SHC3: variants seen among roughly 807,000 people sequenced by gnomAD.
SHC3 encodes SHC adaptor protein 3.
SHC3 carries 15 observed loss-of-function variants against 60.4 expected under a neutral mutation model. That is an observed-to-expected ratio of 0.25 (90% CI 0.17 to 0.38). The LOEUF (loss-of-function observed/expected upper bound fraction) is 0.38. Among genes scored for constraint, SHC3 ranks in the 10% least tolerant of loss-of-function variants. SHC3 has a pLI of 1.00. For missense variants in SHC3, 677 were observed against 786.1 expected (o/e 0.86, Z 1.66); for synonymous variants, 294 against 325.9 (o/e 0.90, Z 1.05).
intron 1 of SHC3, among the ~76,000 whole-genome samples, chr9:89,140,269 C>G (rs1270787012): frequency 6.6e-6 from 1 of 152,024 alleles, no homozygotes; most frequent in Non-Finnish European, 1.5e-5. Context: ...CAGGGTGGAG[C>G]CCAGAGCCAG....
At chr9:89,155,704 C>CAACCAA (rs1225459199) in intron 1 of SHC3, among the ~76,000 whole-genome samples, 2 of 152,174 alleles carry the variant, frequency 1.3e-5, no homozygotes, top group Non-Finnish European at 2.9e-5. Context: ...CCTGTTTCTC[C>CAACCAA]ACCTGGTCAC....
intron 1 of SHC3, among the ~76,000 whole-genome samples, chr9:89,128,108 TAA>T (rs1027077267): frequency 1.3e-5 from 2 of 152,122 alleles, no homozygotes; most frequent in African/African-American, 4.8e-5. Context: ...TTAAAAATAA[TAA>T]GAGTTTAAAT....
chr9:89,163,069 G>A, intron 1 of SHC3, among the ~76,000 whole-genome samples: 1 of 142,890 alleles, frequency 7.0e-6, no homozygotes, highest in South Asian at 2.4e-4. Flanking sequence ...AGTTAGAATG[G>A]CAATCATTAA....
chr9:89,171,892 G>A (rs1042222821), intron 1 of SHC3, among the ~76,000 whole-genome samples: 1 of 152,208 alleles, frequency 6.6e-6, no homozygotes, highest in African/African-American at 2.4e-5. Flanking sequence ...AGCAAGGCAT[G>A]TCTGAGCCCA....
At chr9:89,154,299 C>A (rs1362631683) in intron 1 of SHC3, among the ~76,000 whole-genome samples, 2 of 152,100 alleles carry the variant, frequency 1.3e-5, no homozygotes, top group Non-Finnish European at 2.9e-5. Context: ...CCCAGGGAAG[C>A]CAAAACACTG....
In SHC3 at chr9:89,011,769, G is replaced by A. The variant is rs565298216; in HGVS notation, c.*1678C>T. On this transcript the variant is annotated 3_prime_UTR_variant, in exon 12 of 12. Transcript: ENST00000375835. ...CCACTGCAGAACATTCTAGAACACT[G>A]ACTTCACTGTCATCTCAAATTCACT... The A allele has an allele frequency of 1.3e-5, 2 of 152,356 alleles. No individual in the cohort carries two copies. The highest frequency in any genetic ancestry group is 4.8e-5 in the African/African-American group (2 of 41,554). The allele number at this position is 152,356 out of a possible 1,614,324, so 9.4% of individuals were successfully genotyped here.
chr9:89,124,791 C>T (rs1826141056), intron 1 of SHC3, among the ~76,000 whole-genome samples: 1 of 151,566 alleles, frequency 6.6e-6, no homozygotes, highest in Non-Finnish European at 1.5e-5. Flanking sequence ...TACCATGGCA[C>T]ATGTCTACCT....
chr9:89,071,367 A>G, intron 4 of SHC3, 115 bp from the exon 5 acceptor site: 1 of 977,658 alleles, frequency 1.0e-6, no homozygotes, highest in Non-Finnish European at 1.6e-6. Flanking sequence ...GAAAATTGGT[A>G]TCTATATAAA....
intron 6 of SHC3, among the ~76,000 whole-genome samples, chr9:89,060,158 G>C (rs1369964944): frequency 6.8e-6 from 1 of 147,204 alleles, no homozygotes; most frequent in African/African-American, 2.5e-5. Flanking sequence ...GTGGAGGGCG[G>C]TGGTGGAGGA....
chr9:89,116,108 G>C (rs530740976), intron 1 of SHC3, among the ~76,000 whole-genome samples: 2 of 152,136 alleles, frequency 1.3e-5, no homozygotes, highest in Non-Finnish European at 1.5e-5. Flanking sequence ...TGTGATGAAG[G>C]TTGCAGTATG....
chr9:89,126,910 C>G (rs1111068), intron 1 of SHC3, among the ~76,000 whole-genome samples: 92,680 of 152,064 alleles, frequency 0.61, 30,273 homozygotes, highest in East Asian at 0.98. Flanking sequence ...TCAGTTATGT[C>G]CTTGGGAGCT....
Position 89,178,046 on chromosome 9 carries a change from G to T in SHC3, c.415C>A (p.Arg139=). The T allele has an allele frequency of 1.6e-6, 2 of 1,227,800 alleles. No individual in the cohort carries two copies. Among genetic ancestry groups the T allele is most frequent in the Non-Finnish European group, 2.0e-6 (2 of 985,656 alleles). 76.1% of individuals were successfully genotyped at this position (1,227,800 alleles called of 1,614,324 possible). A position where few individuals can be genotyped will look rare whatever the true frequency, so the allele number is the denominator to read the frequency against. ...PGDEPLPRPP[R]GAPHASDQVL... ...TGGTCGCTGGCGTGCGGCGCCCCCC[G>T]AGGGGGCCTGGGCAGCGGCTCGTCG... Residue 139 remains arginine, a synonymous_variant, in exon 1 of 12, where the codon CGG becomes AGG. Transcript: ENST00000375835. The surrounding 1 kb of genome is among the most constrained non-coding windows in gnomAD (Gnocchi z 6.9).
intron 11 of SHC3, among the ~76,000 whole-genome samples, chr9:89,025,331 C>T (rs1826275207): frequency 6.6e-6 from 1 of 152,108 alleles, no homozygotes; most frequent in South Asian, 2.1e-4. Flanking sequence ...ATGCCTGGAT[C>T]CAGCCTAACC....
chr9:89,109,628 C>G, intron 2 of SHC3: 1 of 985,446 alleles, frequency 1.0e-6, no homozygotes, highest in Non-Finnish European at 1.2e-6. Context: ...TCTTGTCTGG[C>G]CTGCTCTCCT....
chr9:89,126,859 G>T (rs1826172281), intron 1 of SHC3, among the ~76,000 whole-genome samples: 1 of 152,160 alleles, frequency 6.6e-6, no homozygotes, highest in Non-Finnish European at 1.5e-5. Flanking sequence ...ATGGGCTTAG[G>T]ACCCCATAAG....
chr9:89,020,586 G>A (rs1006402724), intron 11 of SHC3, among the ~76,000 whole-genome samples: 1 of 152,182 alleles, frequency 6.6e-6, no homozygotes, highest in African/African-American at 2.4e-5. Context: ...ACTATCACCA[G>A]CAACAGAATG....
rs146959299 is a variant in SHC3 at position 89,067,042 on chromosome 9, G to A, written c.784-1462C>T. On this transcript the variant is annotated intron_variant, in intron 5 of 11. Coordinates refer to ENST00000375835, the MANE Select transcript of SHC3 (RefSeq NM_016848.6). ...TGCTTCCCCGGTCATTCTGCAGGGC[G>A]TGGCTCAGCTAAGCTGTTTTCTTTT... Among the ~76,000 whole-genome samples the A allele has an allele frequency of 5.6e-3, 854 of 152,308 alleles. 9 individuals are homozygous for A. The highest frequency in any genetic ancestry group is 0.019 in the African/African-American group (776 of 41,562).
intron 1 of SHC3, among the ~76,000 whole-genome samples, chr9:89,140,555 T>C (rs958159654): frequency 1.3e-5 from 2 of 152,178 alleles, no homozygotes; most frequent in African/African-American, 2.4e-5. Flanking sequence ...TCCAAAAGTA[T>C]ATTTCCTACC....
Position 89,006,146 on chromosome 9 carries a change from C to T in SHC3, c.*7301G>A, listed in dbSNP as rs964240323. On this transcript the variant is annotated 3_prime_UTR_variant, in exon 12 of 12. Transcript: ENST00000375835. ...CCTAAATTGGGTGTGTCATCTTCCC[C>T]TCCTGGGTCACAGGATGACACCTGG... 1.2e-4 allele frequency: 19 copies of T among 152,242 alleles called. No individual in the cohort carries two copies. The highest frequency in any genetic ancestry group is 4.1e-4 in the African/African-American group (17 of 41,452). The allele number at this position is 152,242 out of a possible 1,614,324, so 9.4% of individuals were successfully genotyped here.
Sources: gnomAD v4.1 joint callset for allele counts (sites outside exome capture counted in the v4.1 genomes callset) on GRCh38, gnomAD v4.1.1 for gene constraint, Gnocchi (gnomAD v3.1) non-coding constraint, MANE v1.5 for transcripts, NCBI Gene and HGNC (gene_info 2026-07-23, HGNC 2026-07-21) for gene names.